The following DPY19L1 variants were observed in gnomAD, a reference collection of about 807,000 sequenced individuals.
DPY19L1 encodes the protein protein C-mannosyl-transferase DPY19L1.
A neutral mutation model predicts 96.9 loss-of-function variants in DPY19L1; 35 were observed. The observed-to-expected ratio is 0.36, with a 90% CI of 0.28 to 0.48. The LOEUF is 0.48. DPY19L1 is among the 20% of genes least tolerant of loss of function. DPY19L1 has a pLI of 0.99. For missense variants in DPY19L1, 521 were observed against 777.9 expected, an observed-to-expected ratio of 0.67 and a Z score of 3.93; for synonymous variants, 205 against 252.6, an observed-to-expected ratio of 0.81 and a Z score of 1.79.
intron 6 of DPY19L1, among the ~76,000 whole-genome samples, chr7:35,005,068 T>G (rs1430200704): frequency 3.3e-5 from 5 of 152,180 alleles, no homozygotes; most frequent in African/African-American, 1.2e-4. Flanking sequence ...GGGAAAGAAC[T>G]CAGAGTCTAA....
rs1161380804 is a variant in DPY19L1, at chr7:35,037,142, G to GGCCCAGC, written c.246_252dup (p.Leu85AlafsTer34). 2 of 194,942 alleles carry GGCCCAGC rather than the reference G, an allele frequency of 1.0e-5. No individual in the cohort carries two copies. Among genetic ancestry groups the GGCCCAGC allele is most frequent in the East Asian group, 9.6e-5 (1 of 10,456 alleles). 12.1% of individuals were successfully genotyped at this position (194,942 alleles called of 1,614,324 possible). ...GTCCGGCCGCGCCCCGCGCGCCGCA[G>GGCCCAGC]GCCCAGCGCCCAGCGCAGCCGGGCG... On this transcript the variant is annotated frameshift_variant, in exon 1 of 22. Coordinates refer to ENST00000638088, the MANE Select transcript of DPY19L1 (RefSeq NM_001366673.1). LOFTEE classifies it high-confidence loss of function.
rs1785129485 is a variant in DPY19L1 at position 34,989,830 on chromosome 7, A to C, written c.822+54T>G. 9 of 1,424,040 alleles carry C rather than the reference A, an allele frequency of 6.3e-6. No individual in the cohort carries two copies. In the South Asian group the frequency reaches 1.1e-4, roughly 17 times the overall value. 88.2% of individuals were successfully genotyped at this position (1,424,040 alleles called of 1,614,324 possible). On this transcript the variant is annotated intron_variant, in intron 7 of 21. Transcript: ENST00000638088. ...GAATGCCATTATAGATTAAATTTAAAGAAGAAAACTGCATTTCCAGAAGTA... is the reference window on the plus strand; with the variant it reads ...GAATGCCATTATAGATTAAATTTAACGAAGAAAACTGCATTTCCAGAAGTA...
At chr7:34,974,849 G>C (rs2128668919) in intron 7 of DPY19L1, among the ~76,000 whole-genome samples, 1 of 152,128 alleles carries the variant, frequency 6.6e-6, no homozygotes, top group East Asian at 1.9e-4. Context: ...TCATATTTTG[G>C]TAATTTTCAT....
intron 1 of DPY19L1, among the ~76,000 whole-genome samples, chr7:35,035,697 C>T (rs1584268750): frequency 1.3e-5 from 2 of 152,176 alleles, no homozygotes; most frequent in South Asian, 4.1e-4. Flanking sequence ...CTTAACAGAT[C>T]CTGTGGATCC....
chr7:35,017,780 A>C, intron 3 of DPY19L1, 102 bp downstream of exon 3: 3 of 852,698 alleles, frequency 3.5e-6, no homozygotes, highest in Non-Finnish European at 5.2e-6. Flanking sequence ...TGGAGCATCT[A>C]CTCTTTCTAC....
intron 10 of DPY19L1, among the ~76,000 whole-genome samples, chr7:34,959,965 A>C (rs1304858505): frequency 6.8e-6 from 1 of 146,386 alleles, no homozygotes; most frequent in Non-Finnish European, 1.5e-5. Flanking sequence ...CTAGCCCCTT[A>C]TCAAGTAAAC....
intron 4 of DPY19L1, among the ~76,000 whole-genome samples, chr7:35,012,023 C>G (rs1259109202): frequency 2.0e-5 from 3 of 152,228 alleles, no homozygotes; most frequent in African/African-American, 7.2e-5. Context: ...CTCTTCCGGG[C>G]TGAGGCACTC....
chr7:35,000,633 T>C (rs1355081535), intron 6 of DPY19L1: 1 of 152,120 alleles, frequency 6.6e-6, no homozygotes, highest in Non-Finnish European at 1.5e-5. Flanking sequence ...CTTCCACCTA[T>C]CAAACCAAAA....
intron 6 of DPY19L1, among the ~76,000 whole-genome samples, chr7:34,998,161 T>C (rs1357055057): frequency 6.6e-6 from 1 of 152,190 alleles, no homozygotes; most frequent in East Asian, 1.9e-4. Context: ...GATGAAGGTA[T>C]TGTCCTCTGA....
At chr7:34,996,891 CA>C (rs1254443286) in intron 6 of DPY19L1, among the ~76,000 whole-genome samples, 4 of 152,294 alleles carry the variant, frequency 2.6e-5, no homozygotes, top group Admixed American at 2.6e-4. Context: ...GTGTGCAGAG[CA>C]GCCTGGGAGC....
chr7:35,001,827 T>C (rs1785433029), intron 6 of DPY19L1, among the ~76,000 whole-genome samples: 2 of 151,818 alleles, frequency 1.3e-5, no homozygotes, highest in African/African-American at 4.8e-5. Flanking sequence ...CCAAAGGATG[T>C]TTAAAAAAAC....
intron 1 of DPY19L1, among the ~76,000 whole-genome samples, chr7:35,021,638 A>G (rs372428669): frequency 2.6e-5 from 4 of 152,336 alleles, no homozygotes. Context: ...ACAGACTAGA[A>G]GTTGAGGCAC....
At chr7:34,974,853 T>C (rs190966537) in intron 7 of DPY19L1, among the ~76,000 whole-genome samples, 1 of 152,306 alleles carries the variant, frequency 6.6e-6, no homozygotes, top group Non-Finnish European at 1.5e-5. Context: ...ATTTTGGTAA[T>C]TTTCATAATA....
At chr7:34,982,140 A>G (rs1309806936) in intron 7 of DPY19L1, among the ~76,000 whole-genome samples, 2 of 152,212 alleles carry the variant, frequency 1.3e-5, no homozygotes, top group Non-Finnish European at 2.9e-5. Context: ...AATGCAATGT[A>G]CGATCCTTAA....
chr7:34,973,573 A>C lies in DPY19L1; in HGVS notation c.855T>G (p.Arg285=). The C allele has an allele frequency of 6.5e-7, 1 of 1,536,070 alleles. No individual in the cohort carries two copies. The change falls in exon 8 of 22, where the codon CGT becomes CGG. Residue 285 remains arginine (R), a synonymous_variant. Transcript: ENST00000638088. ...CAAGAAATGGATATGAGAAGCTTTCACGGAGAGGTGGTGTCCACATTACAC... is the reference window on the plus strand; with the variant it reads ...CAAGAAATGGATATGAGAAGCTTTCCCGGAGAGGTGGTGTCCACATTACAC... ...CTRVMWTPPL[R]ESFSYPFLVL... is the part of the protein sequence containing the mutation.
intron 7 of DPY19L1, among the ~76,000 whole-genome samples, chr7:34,986,436 A>C (rs1413855161): frequency 1.3e-5 from 2 of 152,050 alleles, no homozygotes; most frequent in African/African-American, 4.8e-5. Context: ...TTGTAAGTTA[A>C]AACAAATAAT....
At chr7:34,988,816 T>C (rs10268579) in intron 7 of DPY19L1, among the ~76,000 whole-genome samples, 34,367 of 151,482 alleles carry the variant, frequency 0.23, 4,371 homozygotes, top group Non-Finnish European at 0.29. Flanking sequence ...TCTAGAAACG[T>C]TGACATTCTG....
chr7:34,952,131 A>ACCC (rs774369729), intron 13 of DPY19L1, among the ~76,000 whole-genome samples: 34,737 of 109,772 alleles, frequency 0.32, 4,410 homozygotes, highest in Admixed American at 0.39. Context: ...AAAGACCACA[A>ACCC]AAAAAAAACC....
chr7:34,952,444 T>C (rs771365536), intron 13 of DPY19L1, among the ~76,000 whole-genome samples: 28 of 152,160 alleles, frequency 1.8e-4, no homozygotes, highest in Non-Finnish European at 3.2e-4. Context: ...GGCTTCACTG[T>C]TAAATTCTAC....
Sources: gnomAD v4.1 joint callset for allele counts (sites outside exome capture counted in the v4.1 genomes callset) on GRCh38, gnomAD v4.1.1 for gene constraint, MANE v1.5 for transcripts, NCBI Gene and HGNC (gene_info 2026-07-23, HGNC 2026-07-21) for gene names.